Variants in NFASC observed in about 807,000 individuals in gnomAD.
The protein encoded by NFASC is neurofascin homolog.
A neutral mutation model predicts 147.5 loss-of-function variants in NFASC; 43 were observed. That is an observed-to-expected ratio of 0.29 (90% confidence interval 0.23 to 0.38). The LOEUF is 0.38. NFASC is among the 10% of genes least tolerant of loss of function. The pLI is 1.00. For synonymous variants in NFASC, 622 were observed against 665.5 expected, an observed-to-expected ratio of 0.93 and a Z score of 1.01; for missense variants, 1,320 against 1,689.0, an observed-to-expected ratio of 0.78 and a Z score of 3.83.
intron 1 of NFASC, among the ~76,000 whole-genome samples, chr1:204,865,888 C>T (rs758337405): frequency 1.5e-4 from 23 of 152,140 alleles, no homozygotes; most frequent in Non-Finnish European, 2.8e-4. Flanking sequence ...TAGTACACAC[C>T]GGCAGTTTTA....
chr1:204,977,274 T>C, intron 16 of NFASC: 1 of 309,000 alleles, frequency 3.2e-6, no homozygotes, highest in African/African-American at 2.2e-5. Flanking sequence ...TGTCTTCCTG[T>C]CCTGCACCCA....
intron 4 of NFASC, 32 bp from the exon 5 acceptor site, chr1:204,951,979 G>T (rs2094154041): frequency 6.3e-7 from 1 of 1,593,398 alleles, no homozygotes; most frequent in African/African-American, 1.3e-5. Context: ...GGTCCCTGCA[G>T]CCCTGACCAT....
chr1:204,934,525 A>G (rs1573304125), intron 2 of NFASC, among the ~76,000 whole-genome samples: 1 of 152,368 alleles, frequency 6.6e-6, no homozygotes, highest in East Asian at 1.9e-4. Flanking sequence ...AAACAAGGAC[A>G]TGAAGGATTG....
chr1:205,009,230 GGCTGTGACCA>G, intron 27 of NFASC: 1 of 428,610 alleles, frequency 2.3e-6, no homozygotes. Context: ...GTCCCCATTA[GGCTGTGACCA>G]GCCCTCTGGT....
At chr1:205,009,338 C>T (rs2096205039) in intron 27 of NFASC, 2 of 696,712 alleles carry the variant, frequency 2.9e-6, no homozygotes, top group African/African-American at 1.7e-5. Context: ...CCTTGTACCC[C>T]TTTCCTTTGC....
chr1:204,944,457 G>T (rs754743200), intron 3 of NFASC, 51 bp downstream of exon 3: 3 of 1,179,118 alleles, frequency 2.5e-6, no homozygotes, highest in African/African-American at 1.5e-5. Context: ...TTGGGCAGAG[G>T]GGTGGGAGGG....
chr1:204,935,977 A>G (rs1237752551), intron 2 of NFASC, among the ~76,000 whole-genome samples: 4 of 152,052 alleles, frequency 2.6e-5, no homozygotes, highest in South Asian at 2.1e-4. Flanking sequence ...CCTTCACTCA[A>G]CAGTCTTTTC....
intron 1 of NFASC, among the ~76,000 whole-genome samples, chr1:204,915,714 T>G (rs1239173304): frequency 6.6e-6 from 1 of 152,200 alleles, no homozygotes; most frequent in African/African-American, 2.4e-5. Flanking sequence ...ACAGTCTAAA[T>G]ATTCAAGGGG....
intron 8 of NFASC, among the ~76,000 whole-genome samples, chr1:204,958,213 C>T (rs574277325): frequency 3.3e-5 from 5 of 152,302 alleles, no homozygotes; most frequent in African/African-American, 9.6e-5. Flanking sequence ...TCATCTAGAA[C>T]CCCTCTCCGG....
chr1:204,935,485 G>A (rs1276400709), intron 2 of NFASC, among the ~76,000 whole-genome samples: 1 of 152,186 alleles, frequency 6.6e-6, no homozygotes, highest in South Asian at 2.1e-4. Context: ...GATTGGTTTG[G>A]GAACGTATTC....
chr1:204,834,686 G>A (rs968809362), intron 1 of NFASC, among the ~76,000 whole-genome samples: 3 of 152,080 alleles, frequency 2.0e-5, no homozygotes, highest in Admixed American at 6.5e-5. Context: ...AATTAGAGAC[G>A]GGCTTGGAGA....
At chr1:204,839,062 A>G (rs1436282190) in intron 1 of NFASC, among the ~76,000 whole-genome samples, 2 of 152,192 alleles carry the variant, frequency 1.3e-5, no homozygotes, top group South Asian at 2.1e-4. Flanking sequence ...TGCTATGTAT[A>G]AGTCTGATTT....
At chr1:205,008,056 G>A (rs12135208) in intron 27 of NFASC, among the ~76,000 whole-genome samples, 1 of 151,992 alleles carries the variant, frequency 6.6e-6, no homozygotes, top group East Asian at 1.9e-4. Context: ...AGCCCGGGGC[G>A]CCCTGGGCAA....
At chr1:204,903,416 A>G (rs2085090867) in intron 1 of NFASC, among the ~76,000 whole-genome samples, 1 of 152,204 alleles carries the variant, frequency 6.6e-6, no homozygotes, top group Non-Finnish European at 1.5e-5. Context: ...CTGTGGAGGA[A>G]ATCATTGAGG....
At chr1:204,889,851 T>C (rs954392423) in intron 1 of NFASC, among the ~76,000 whole-genome samples, 1 of 152,158 alleles carries the variant, frequency 6.6e-6, no homozygotes, top group Non-Finnish European at 1.5e-5. Context: ...ATTAATAGAA[T>C]CCATTAACAT....
rs1249513445 is a variant in NFASC at position 205,018,163 on chromosome 1, T to C, written c.*1624T>C. On this transcript the variant is annotated 3_prime_UTR_variant, in exon 30 of 30. Transcript: ENST00000339876. ...AGACAGAGAAGGAGAGGGGGAGATCTTGAGTCTAAGAGGAACCCTTTAGCT... is the reference window on the plus strand; with the variant it reads ...AGACAGAGAAGGAGAGGGGGAGATCCTGAGTCTAAGAGGAACCCTTTAGCT... The C allele has an allele frequency of 6.6e-6, 1 of 152,642 alleles. No homozygotes were observed. The highest frequency in any genetic ancestry group is 2.4e-5 in the African/African-American group (1 of 41,442). 9.5% of individuals were successfully genotyped at this position (152,642 alleles called of 1,614,324 possible). A position where few individuals can be genotyped will look rare whatever the true frequency, so the allele number is the denominator to read the frequency against.
chr1:204,958,589 A>T (rs1425841788), intron 8 of NFASC, among the ~76,000 whole-genome samples: 1 of 152,164 alleles, frequency 6.6e-6, no homozygotes. Flanking sequence ...GTCTCAGCCC[A>T]CTCAGGACGT....
chr1:204,896,730 G>C (rs1033782574), intron 1 of NFASC, among the ~76,000 whole-genome samples: 8 of 152,234 alleles, frequency 5.3e-5, no homozygotes, highest in African/African-American at 1.7e-4. Flanking sequence ...TTTGACCCAA[G>C]AAACTATAAT....
At chr1:204,935,252 C>G (rs763937809) in intron 2 of NFASC, among the ~76,000 whole-genome samples, 1 of 152,058 alleles carries the variant, frequency 6.6e-6, no homozygotes, top group Non-Finnish European at 1.5e-5. Flanking sequence ...GAGTGATTGC[C>G]GTAAAGACAG....
Sources: allele counts gnomAD v4.1 joint callset (sites outside exome capture counted in the v4.1 genomes callset), GRCh38; gene constraint gnomAD v4.1.1; transcripts MANE v1.5; gene names NCBI Gene and HGNC (gene_info 2026-07-23, HGNC 2026-07-21).